The following NPSR1 variants were observed in gnomAD, a reference collection of about 807,000 sequenced individuals.
NPSR1 encodes neuropeptide S receptor 1, also known as neuropeptide S receptor.
A neutral mutation model predicts 46.9 loss-of-function variants in NPSR1; 48 were observed. The observed-to-expected ratio is 1.02, with a 90% confidence interval of 0.81 to 1.30. The LOEUF (loss-of-function observed/expected upper bound fraction) is 1.30, where lower values mean the gene tolerates loss of function less well. Among genes scored for constraint, NPSR1 ranks in the 50% most tolerant of loss-of-function variants. NPSR1 has a pLI of 0.00. For missense variants in NPSR1, 450 were observed against 449.5 expected, an observed-to-expected ratio of 1.00 and a Z score of -0.01; for synonymous variants, 176 against 168.1, an observed-to-expected ratio of 1.05 and a Z score of -0.36.
chr7:34,765,981 G>A (rs1396376496), intron 2 of NPSR1, among the ~76,000 whole-genome samples: 3 of 152,048 alleles, frequency 2.0e-5, no homozygotes, highest in African/African-American at 7.2e-5. Context: ...CCAAATCTCA[G>A]CACCACACAA....
intron 2 of NPSR1, among the ~76,000 whole-genome samples, chr7:34,764,621 C>T (rs1338237536): frequency 6.6e-6 from 1 of 152,170 alleles, no homozygotes; most frequent in Non-Finnish European, 1.5e-5. Flanking sequence ...AAACAAAAAA[C>T]TTAAGTCAGT....
chr7:34,778,549 T>A lies in NPSR1; in HGVS notation c.368T>A (p.Val123Glu), dbSNP rs753750194. The A allele has an allele frequency of 2.5e-6, 4 of 1,609,960 alleles. No homozygotes were observed. Among genetic ancestry groups the A allele is most frequent in the Middle Eastern group, 1.7e-4 (1 of 6,050 alleles). The stretch of plus-strand genomic sequence containing the variant: ...ACGGCACCTGACCTGGTTTGCCGAG[T>A]GGTCCGCTATTTGCAGGTATGTCAC... ...DFTAPDLVCRVVRYLQVVLLY... is the reference protein window; with the variant it reads ...DFTAPDLVCREVRYLQVVLLY... The change falls in exon 3 of 9, where the codon GTG becomes GAG. Residue 123 changes from valine (V) to glutamate (E), a missense_variant. By Grantham distance (121) the Val-to-Glu change is moderately radical (BLOSUM62 -2). Coordinates refer to ENST00000360581, the MANE Select transcript of NPSR1 (RefSeq NM_207172.2).
chr7:34,839,249 G>A (rs776447267), intron 6 of NPSR1, among the ~76,000 whole-genome samples: 4 of 152,162 alleles, frequency 2.6e-5, no homozygotes, highest in South Asian at 2.1e-4. Context: ...TCATAAAGAC[G>A]TTGAATCTCC....
chr7:34,744,145 C>T (rs569498272), intron 2 of NPSR1, among the ~76,000 whole-genome samples: 2 of 152,176 alleles, frequency 1.3e-5, no homozygotes, highest in East Asian at 3.9e-4. Flanking sequence ...TATTTTCTTA[C>T]TTTATTTATT....
intron 2 of NPSR1, among the ~76,000 whole-genome samples, chr7:34,721,590 A>C (rs1783860254): frequency 6.6e-6 from 1 of 152,214 alleles, no homozygotes; most frequent in Non-Finnish European, 1.5e-5. Context: ...AAGGTTAAAG[A>C]AAAAGGCCCC....
At chr7:34,857,970 G>T (rs1486683145) in intron 8 of NPSR1, among the ~76,000 whole-genome samples, 1 of 151,576 alleles carries the variant, frequency 6.6e-6, no homozygotes, top group Non-Finnish European at 1.5e-5. Flanking sequence ...AAAAAGCAAG[G>T]GAAAGTAAAT....
chr7:34,687,384 G>A (rs1398757150), intron 2 of NPSR1, among the ~76,000 whole-genome samples: 1 of 152,060 alleles, frequency 6.6e-6, no homozygotes, highest in Non-Finnish European at 1.5e-5. Context: ...CTCGAGACTG[G>A]GTAATTTATA....
intron 4 of NPSR1, among the ~76,000 whole-genome samples, chr7:34,812,363 G>T (rs1163975800): frequency 6.6e-6 from 1 of 152,162 alleles, no homozygotes; most frequent in Non-Finnish European, 1.5e-5. Context: ...ATCCAGAAAT[G>T]GTTAGGGATC....
intron 1 of NPSR1, among the ~76,000 whole-genome samples, chr7:34,672,510 G>A (rs746031541): frequency 2.3e-4 from 34 of 146,370 alleles, no homozygotes; most frequent in Admixed American, 5.3e-4. Context: ...AAATGAGAAC[G>A]TTTAGGATGT....
At chr7:34,774,976 G>C (rs1366800948) in intron 2 of NPSR1, among the ~76,000 whole-genome samples, 4 of 152,160 alleles carry the variant, frequency 2.6e-5, no homozygotes, top group Admixed American at 2.6e-4. Context: ...TGAAAATGCA[G>C]TGGTGGGAGT....
chr7:34,797,582 C>CA (rs1054263163), intron 3 of NPSR1, among the ~76,000 whole-genome samples: 1 of 151,206 alleles, frequency 6.6e-6, no homozygotes, highest in African/African-American at 2.4e-5. Flanking sequence ...ACAGAAATAC[C>CA]AAAAAAAGAA....
At chr7:34,705,264 T>G (rs1250666386) in intron 2 of NPSR1, among the ~76,000 whole-genome samples, 2 of 151,726 alleles carry the variant, frequency 1.3e-5, no homozygotes, top group Non-Finnish European at 2.9e-5. Flanking sequence ...CCGTCTCTAT[T>G]AAAAATATAA....
intron 1 of NPSR1, among the ~76,000 whole-genome samples, chr7:34,682,638 G>A (rs900759424): frequency 2.6e-5 from 4 of 152,086 alleles, no homozygotes; most frequent in East Asian, 1.9e-4. Flanking sequence ...GTCAGTCTAC[G>A]ACATCAAAGG....
intron 2 of NPSR1, among the ~76,000 whole-genome samples, chr7:34,715,236 T>C (rs1372260500): frequency 2.0e-5 from 3 of 152,178 alleles, no homozygotes; most frequent in Admixed American, 6.5e-5. Flanking sequence ...AGGAAACTCA[T>C]ATATGGAAAG....
At chr7:34,746,303 A>G (rs889003176) in intron 2 of NPSR1, among the ~76,000 whole-genome samples, 24 of 152,232 alleles carry the variant, frequency 1.6e-4, no homozygotes, top group African/African-American at 5.5e-4. Context: ...GTTTCAGTTA[A>G]TAGTGCAATA....
chr7:34,736,879 C>T (rs543746494), intron 2 of NPSR1, among the ~76,000 whole-genome samples: 51 of 152,266 alleles, frequency 3.3e-4, no homozygotes, highest in African/African-American at 9.6e-4. Context: ...TATTCCCTTA[C>T]GGTTCATTGA....
chr7:34,758,341 C>G lies in NPSR1; in HGVS notation c.281-20121C>G, dbSNP rs565450850. 2.0e-5 allele frequency: 3 copies of G among 152,306 alleles called. No homozygotes were observed. The South Asian group carries it at 6.2e-4, about 32-fold the overall frequency. 9.4% of individuals were successfully genotyped at this position (152,306 alleles called of 1,614,324 possible). On this transcript the variant is annotated intron_variant, in intron 2 of 8. Coordinates refer to ENST00000360581, the MANE Select transcript of NPSR1 (RefSeq NM_207172.2). ...ATGTAAGCCCACTTGCTGAATCTCT[C>G]TCTGAGCTAATAATTAACAAATACA... is the stretch of plus-strand genomic sequence containing the variant.
At chr7:34,711,093 G>T (rs1182421009) in intron 2 of NPSR1, 2 of 306,956 alleles carry the variant, frequency 6.5e-6, no homozygotes, top group Non-Finnish European at 1.3e-5. Flanking sequence ...TAGCTTCTTC[G>T]CCTTTGTCAG....
At chr7:34,788,983 T>A (rs1404281465) in intron 3 of NPSR1, among the ~76,000 whole-genome samples, 1 of 151,774 alleles carries the variant, frequency 6.6e-6, no homozygotes, top group African/African-American at 2.4e-5. Flanking sequence ...AAACTAGTAA[T>A]CAATAATATA....
Sources: allele counts gnomAD v4.1 joint callset (sites outside exome capture counted in the v4.1 genomes callset), GRCh38; gene constraint gnomAD v4.1.1; transcripts MANE v1.5; gene names NCBI Gene and HGNC (gene_info 2026-07-23, HGNC 2026-07-21).